The following TRUB2 variants were observed in gnomAD, a reference collection of about 807,000 sequenced individuals.
The protein encoded by TRUB2 is TruB pseudouridine synthase family member 2.
In TRUB2, 31 loss-of-function variants were observed where a neutral mutation model predicts 31.9. The ratio of observed to expected loss-of-function variants is 0.97; its 90% CI spans 0.73 to 1.31. The LOEUF (loss-of-function observed/expected upper bound fraction) is 1.31. TRUB2 is among the 50% of genes most tolerant of loss of function. TRUB2 has a pLI of 0.00. For synonymous variants in TRUB2, 201 were observed against 182.6 expected (o/e 1.10, Z -0.81); for missense variants, 451 against 439.6 (o/e 1.03, Z -0.23).
chr9:128,321,614 T>C lies in TRUB2; in HGVS notation c.226A>G (p.Ile76Val). 6.2e-7 allele frequency: 1 copy of C among 1,614,028 alleles called. No homozygotes were observed. The stretch of plus-strand genomic sequence containing the variant: ...TCTGCCTTACCCAGTGGATGGTTGA[T>C]GAAAGAGGGTACGCTGGTGGCTGTG... ...TLTATSVPSF[I>V]NHPLVCGPAF... Residue 76 changes from isoleucine (I) to valine (V), a missense_variant, in exon 2 of 8, where the codon ATC becomes GTC. Ile to Val is a conservative substitution (Grantham distance 29). Coordinates refer to ENST00000372890, the MANE Select transcript of TRUB2 (RefSeq NM_015679.3).
chr9:128,316,853 A>G (rs1343398811), intron 3 of TRUB2: 2 of 315,458 alleles, frequency 6.3e-6, no homozygotes, highest in East Asian at 6.0e-5. Flanking sequence ...TTCTTCTTCC[A>G]TAAAATCATA....
chr9:128,322,289 G>T lies in TRUB2; in HGVS notation c.109+11C>A. 6.2e-7 allele frequency: 1 copy of T among 1,609,186 alleles called. No individual in the cohort carries two copies. ...GAGAGCGGGAACGTGGGTCTGGTTC[G>T]AGGCACTCACCCTTCAGAAGTTGTA... On this transcript the variant is annotated intron_variant, in intron 1 of 7. Coordinates refer to ENST00000372890, the MANE Select transcript of TRUB2 (RefSeq NM_015679.3).
At position 128,308,214 on chromosome 9, in the gene TRUB2, AGTGAGACTCC is replaced by A. The variant is rs1289481455; in HGVS notation, c.*1326_*1335del. Reference sequence around the variant, plus strand: ...CACTGCACTCCAACCTGGATGACGGAGTGAGACTCCGTCTCAGAAAAAAAAAAAACCAAAA... The same window carrying A: ...CACTGCACTCCAACCTGGATGACGGAGTCTCAGAAAAAAAAAAAACCAAAA... On this transcript the variant is annotated 3_prime_UTR_variant, in exon 8 of 8. Transcript: ENST00000372890. The A allele has an allele frequency of 7.1e-6, 1 of 140,070 alleles. No homozygotes were observed. Among genetic ancestry groups the A allele is most frequent in the Non-Finnish European group, 1.5e-5 (1 of 65,458 alleles). The allele number at this position is 140,070 out of a possible 1,614,324, so 8.7% of individuals were successfully genotyped here.
chr9:128,311,866 C>T lies in TRUB2; in HGVS notation c.461-265G>A, dbSNP rs187919323. ...TTTTTTTTTTTTTGAGACGGAGTCTCGCTCTGTCACCCAGACTGGAGTGCA... is the reference window on the plus strand; with the variant it reads ...TTTTTTTTTTTTTGAGACGGAGTCTTGCTCTGTCACCCAGACTGGAGTGCA... On this transcript the variant is annotated intron_variant, in intron 5 of 7. Transcript: ENST00000372890. Among the ~76,000 whole-genome samples the T allele has an allele frequency of 7.2e-3, 1,000 of 139,618 alleles. 25 individuals are homozygous for T. Among genetic ancestry groups the T allele is most frequent in the Admixed American group, 0.055 (721 of 13,188 alleles). The allele number at this position is 139,618 out of a possible 152,430, so 91.6% of individuals were successfully genotyped here.
chr9:128,309,349 G>A lies in TRUB2; in HGVS notation c.*201C>T. On this transcript the variant is annotated 3_prime_UTR_variant, in exon 8 of 8. Coordinates refer to ENST00000372890, the MANE Select transcript of TRUB2 (RefSeq NM_015679.3). Reference sequence around the variant, plus strand: ...GTCTGCCAATACTTTCTATCAGTCTGTCATGTTTACTGTCTTTTCCTCCAT... The same window carrying A: ...GTCTGCCAATACTTTCTATCAGTCTATCATGTTTACTGTCTTTTCCTCCAT... 1 of 600,018 alleles carries A rather than the reference G, an allele frequency of 1.7e-6. No individual in the cohort carries two copies. The highest frequency in any genetic ancestry group is 2.9e-6 in the Non-Finnish European group (1 of 342,338). 37.2% of individuals were successfully genotyped at this position (600,018 alleles called of 1,614,324 possible). A position where few individuals can be genotyped will look rare whatever the true frequency, so the allele number is the denominator to read the frequency against.
At position 128,309,705 on chromosome 9, in the gene TRUB2, C is replaced by A. The variant is rs1213058390; in HGVS notation, c.841G>T (p.Asp281Tyr). ...TGAGGGGTAGCAGCCCGGATAGCAT[C>A]CTGGATGTTGGTTAGGTCCCACTGG... ...RTQWDLTNIQDAIRAATPQVA... is the reference protein window; with the variant it reads ...RTQWDLTNIQYAIRAATPQVA... Residue 281 changes from aspartate (D) to tyrosine (Y), a missense_variant, in exon 8 of 8, where the codon GAT becomes TAT. Transcript: ENST00000372890. 5 of 1,614,118 alleles carry A rather than the reference C, an allele frequency of 3.1e-6. No individual in the cohort carries two copies. Among genetic ancestry groups the A allele is most frequent in the Non-Finnish European group, 4.2e-6 (5 of 1,180,054 alleles).
intron 4 of TRUB2, 40 bp from the exon 5 acceptor site, chr9:128,313,929 T>A: frequency 6.3e-7 from 1 of 1,596,426 alleles, no homozygotes; most frequent in Non-Finnish European, 8.6e-7. Flanking sequence ...AGTGACCCCA[T>A]TCTAAGCCCT....
Position 128,309,485 on chromosome 9 carries a change from A to G in TRUB2, c.*65T>C. The stretch of plus-strand genomic sequence containing the variant: ...CCCTGCTCTCACTTTCTGCACAGCT[A>G]TCAGGTCCAGCTCATAGCAGTTCTT... On this transcript the variant is annotated 3_prime_UTR_variant, in exon 8 of 8. Coordinates refer to ENST00000372890, the MANE Select transcript of TRUB2 (RefSeq NM_015679.3). 2 of 1,509,466 alleles carry G rather than the reference A, an allele frequency of 1.3e-6. No individual in the cohort carries two copies. Among genetic ancestry groups the G allele is most frequent in the South Asian group, 1.2e-5 (1 of 80,636 alleles). 93.5% of individuals were successfully genotyped at this position (1,509,466 alleles called of 1,614,324 possible).
intron 1 of TRUB2, 144 bp downstream of exon 1, chr9:128,322,156 G>A (rs910484723): frequency 3.1e-5 from 20 of 650,866 alleles, no homozygotes; most frequent in Non-Finnish European, 2.7e-6. Context: ...TGAGGAGTAA[G>A]AAAGCACAGA....
In TRUB2 at chr9:128,305,952, G is replaced by A. The variant is rs1036904941; in HGVS notation, c.*3598C>T. On this transcript the variant is annotated 3_prime_UTR_variant, in exon 8 of 8. Coordinates refer to ENST00000372890, the MANE Select transcript of TRUB2 (RefSeq NM_015679.3). ...GGCTCAAGCAATCCTCCTGTGTGGG[G>A]ATCGCAAAGTGCTGGGATTACAGGC... 4 of 151,824 alleles carry A rather than the reference G, an allele frequency of 2.6e-5. No homozygotes were observed. Among genetic ancestry groups the A allele is most frequent in the African/African-American group, 9.7e-5 (4 of 41,334 alleles). The allele number at this position is 151,824 out of a possible 1,614,324, so 9.4% of individuals were successfully genotyped here.
chr9:128,320,796 CT>C (rs935454483), intron 2 of TRUB2, among the ~76,000 whole-genome samples: 32 of 147,328 alleles, frequency 2.2e-4, no homozygotes, highest in Non-Finnish European at 2.7e-4. Flanking sequence ...TCTAGATTAC[CT>C]TTTTTTTTTT....
intron 5 of TRUB2, 101 bp downstream of exon 5, chr9:128,313,707 T>C (rs1014462952): frequency 2.0e-6 from 2 of 1,022,104 alleles, no homozygotes; most frequent in Admixed American, 1.7e-5. Context: ...GCCTAGTGTG[T>C]GCAGTGGAAC....
Position 128,313,342 on chromosome 9 carries a change from T to C in TRUB2, c.460+466A>G, listed in dbSNP as rs546163762. On this transcript the variant is annotated intron_variant, in intron 5 of 7. Transcript: ENST00000372890. ...GAGATCCAGACCATCTTGGCTAACATGGTGAAACCCCGTCTCCCATCTCTA... is the reference window on the plus strand; with the variant it reads ...GAGATCCAGACCATCTTGGCTAACACGGTGAAACCCCGTCTCCCATCTCTA... 2.5e-4 allele frequency among the ~76,000 whole-genome samples: 37 copies of C among 149,762 alleles called. No individual in the cohort carries two copies. In the South Asian group the frequency reaches 3.6e-3, roughly 15 times the overall value.
intron 4 of TRUB2, among the ~76,000 whole-genome samples, chr9:128,314,201 G>C (rs1027528031): frequency 6.6e-6 from 1 of 152,176 alleles, no homozygotes. Flanking sequence ...CTTCCTACAA[G>C]ACTGCTGGCT....
intron 5 of TRUB2, among the ~76,000 whole-genome samples, chr9:128,313,267 C>T (rs1334534958): frequency 7.3e-6 from 1 of 136,104 alleles, no homozygotes; most frequent in African/African-American, 2.5e-5. Context: ...TGGCTCATGC[C>T]TGTAATCCCA....
chr9:128,310,768 G>A, intron 7 of TRUB2, 119 bp downstream of exon 7: 1 of 1,410,048 alleles, frequency 7.1e-7, no homozygotes, highest in Non-Finnish European at 9.8e-7. Context: ...CAGAGATCAG[G>A]GCCGGCGTGT....
In TRUB2 at chr9:128,315,593, C is replaced by A. The variant is rs140486544; in HGVS notation, c.352G>T (p.Asp118Tyr). ...GVGHGCRLLT[D>Y]MYNAHLTKDY... Reference sequence around the variant, plus strand: ...TTGGTAAGATGAGCATTGTACATATCGGTGAGGAGCCTGCATCCATGTCCC... The same window carrying A: ...TTGGTAAGATGAGCATTGTACATATAGGTGAGGAGCCTGCATCCATGTCCC... Residue 118 changes from aspartate (D) to tyrosine (Y), a missense_variant, in exon 4 of 8, where the codon GAT (aspartate) becomes TAT (tyrosine). By Grantham distance (160) the Asp-to-Tyr change is radical. Coordinates refer to ENST00000372890, the MANE Select transcript of TRUB2 (RefSeq NM_015679.3). The A allele has an allele frequency of 6.2e-7, 1 of 1,613,654 alleles. No homozygotes were observed. Among genetic ancestry groups the A allele is most frequent in the East Asian group, 2.2e-5 (1 of 44,870 alleles).
Position 128,310,889 on chromosome 9 carries a change from A to C in TRUB2, c.668T>G (p.Leu223Ter). 6.2e-7 allele frequency: 1 copy of C among 1,614,036 alleles called. No individual in the cohort carries two copies. Among genetic ancestry groups the C allele is most frequent in the African/African-American group, 1.3e-5 (1 of 75,034 alleles). Reference sequence around the variant, plus strand: ...TCCAACTTCCTTGGCCAACCTACCTAAGAGGAATTCCGGAGGTGCAAAGTA... The same window carrying C: ...TCCAACTTCCTTGGCCAACCTACCTCAGAGGAATTCCGGAGGTGCAAAGTA... ...CLYFAPPEFLLEVQCMHETQK... is the reference protein window; with the variant it reads ...CLYFAPPEFL Residue 223 changes from leucine to a stop codon, truncating the protein, a stop_gained and splice_region_variant, in exon 7 of 8, where the codon TTA (leucine) becomes TGA (stop). Coordinates refer to ENST00000372890, the MANE Select transcript of TRUB2 (RefSeq NM_015679.3). LOFTEE classifies it high-confidence loss of function.
Position 128,313,876 on chromosome 9 carries a change from C to T in TRUB2, c.392G>A (p.Arg131His), listed in dbSNP as rs41306706. ...ATCTGTAGCTTTGCCCAGGAGGCCA[C>T]GCACTGTGTAATCCTTCAAGGACAG... ...NAHLTKDYTV[R>H]GLLGKATDDF... The change falls in exon 5 of 8, where the codon CGT (arginine) becomes CAT (histidine). Residue 131 changes from arginine to histidine, a missense_variant. Coordinates refer to ENST00000372890, the MANE Select transcript of TRUB2 (RefSeq NM_015679.3). 20,028 of 1,614,030 alleles carry T rather than the reference C, an allele frequency of 0.012. 165 individuals are homozygous for T. The highest frequency in any genetic ancestry group is 0.015 in the Non-Finnish European group (17,966 of 1,179,886).
Sources: allele counts gnomAD v4.1 joint callset (sites outside exome capture counted in the v4.1 genomes callset), GRCh38; gene constraint gnomAD v4.1.1; transcripts MANE v1.5; gene names NCBI Gene and HGNC (gene_info 2026-07-23, HGNC 2026-07-21).